Variants in ZNF423 observed in about 807,000 individuals in gnomAD.
ZNF423 encodes the protein zinc finger protein 423.
In ZNF423, 12 loss-of-function variants were observed where a neutral mutation model predicts 95.8. The observed-to-expected ratio is 0.13, with a 90% CI of 0.08 to 0.20. The LOEUF (loss-of-function observed/expected upper bound fraction) is 0.20, where lower values mean the gene tolerates loss of function less well. Among genes scored for constraint, ZNF423 ranks in the 10% least tolerant of loss-of-function variants. The probability of loss-of-function intolerance (pLI) is 1.00; values close to 1 mark genes in which losing one functional copy is unlikely to be tolerated. For missense variants in ZNF423, 1,316 were observed against 1,737.1 expected (o/e 0.76, Z 4.31); for synonymous variants, 749 against 711.9 (o/e 1.05, Z -0.83).
intron 3 of ZNF423, among the ~76,000 whole-genome samples, chr16:49,695,822 G>C (rs936631878): frequency 6.6e-6 from 1 of 152,222 alleles, no homozygotes; most frequent in Non-Finnish European, 1.5e-5. Flanking sequence ...AGACAATTTA[G>C]TACAAGAAGG....
rs923193132 is a variant in ZNF423 at position 49,677,245 on chromosome 16, A to G, written c.302-38371T>C. 1.6e-3 allele frequency among the ~76,000 whole-genome samples: 30 copies of G among 19,086 alleles called. 1 individual carries two copies. Among genetic ancestry groups the G allele is most frequent in the Non-Finnish European group, 2.7e-3 (28 of 10,234 alleles). The allele number at this position is 19,086 out of a possible 152,430, so 12.5% of individuals were successfully genotyped here. On this transcript the variant is annotated intron_variant, in intron 3 of 7. Transcript: ENST00000563137. ...AAACAAGAAAAGAGAAGAGAAGAGA[A>G]GATAAGAGAAGAGAAGAGAAGAGAA...
At chr16:49,607,896 GTCC>G (rs1971589885) in intron 5 of ZNF423, among the ~76,000 whole-genome samples, 1 of 152,130 alleles carries the variant, frequency 6.6e-6, no homozygotes, top group African/African-American at 2.4e-5. Context: ...TGCGAGAGCT[GTCC>G]TCCTTTGAAG....
In ZNF423 at chr16:49,577,627, G is replaced by A. The variant is rs1017434892; in HGVS notation, c.3601+48543C>T. Among the ~76,000 whole-genome samples the A allele has an allele frequency of 5.9e-5, 9 of 152,320 alleles. No individual in the cohort carries two copies. The South Asian group carries it at 8.3e-4, about 14-fold the overall frequency. On this transcript the variant is annotated intron_variant, in intron 5 of 7. Transcript: ENST00000563137. ...CCAGCAGCCGCTCAACTTGCAGCAG[G>A]TAAGTGCAGGAGGAGAGCAAGGCCA...
intron 5 of ZNF423, among the ~76,000 whole-genome samples, chr16:49,593,907 T>C (rs9928205): frequency 0.14 from 20,886 of 152,130 alleles, 2,908 homozygotes; most frequent in African/African-American, 0.33. Flanking sequence ...GAAATCTCTA[T>C]CTGTAAGAGG....
At chr16:49,546,392 A>G (rs980366862) in intron 5 of ZNF423, among the ~76,000 whole-genome samples, 2 of 152,158 alleles carry the variant, frequency 1.3e-5, no homozygotes, top group Non-Finnish European at 2.9e-5. Context: ...GTCCTTGGGT[A>G]AGTTGGTGCC....
At chr16:49,581,159 G>A (rs1002212299) in intron 5 of ZNF423, among the ~76,000 whole-genome samples, 1 of 141,104 alleles carries the variant, frequency 7.1e-6, no homozygotes, top group Non-Finnish European at 1.6e-5. Context: ...CAGCCCCACT[G>A]ATGTGGGCTT....
chr16:49,797,100 A>T (rs975647832), intron 1 of ZNF423, among the ~76,000 whole-genome samples: 11 of 151,950 alleles, frequency 7.2e-5, no homozygotes, highest in African/African-American at 2.4e-4. Flanking sequence ...CCTTAGGGAA[A>T]CCCTCTCACA....
chr16:49,741,173 TCAG>T (rs2033406485), intron 2 of ZNF423, among the ~76,000 whole-genome samples: 1 of 148,556 alleles, frequency 6.7e-6, no homozygotes, highest in African/African-American at 2.5e-5. Context: ...CTCTAGATGG[TCAG>T]CACTGCAAAC....
At chr16:49,644,439 G>A (rs1193364193) in intron 3 of ZNF423, among the ~76,000 whole-genome samples, 1 of 151,050 alleles carries the variant, frequency 6.6e-6, no homozygotes, top group Non-Finnish European at 1.5e-5. Context: ...AGGATCGTTT[G>A]AGGTCAGGAG....
At position 49,635,096 on chromosome 16, in the gene ZNF423, G is replaced by A. The variant is rs559392003; in HGVS notation, c.3516+564C>T. Among the ~76,000 whole-genome samples the A allele has an allele frequency of 6.6e-6, 1 of 152,210 alleles. No homozygotes were observed. The highest frequency in any genetic ancestry group is 1.9e-4 in the East Asian group (1 of 5,192). On this transcript the variant is annotated intron_variant, in intron 4 of 7. Coordinates refer to ENST00000563137, the MANE Select transcript of ZNF423 (RefSeq NM_001379286.1). The surrounding 1 kb of genome is among the most constrained non-coding windows in gnomAD (Gnocchi z 4.8). ...CTGCACTAACTGAAATGATGCCACT[G>A]GTGATAAGAGTACCAGCTGGTGATG... is the stretch of plus-strand genomic sequence containing the variant.
intron 5 of ZNF423, among the ~76,000 whole-genome samples, chr16:49,615,128 T>TCACACACACACACACACACA (rs557190259): frequency 1.6e-3 from 155 of 98,522 alleles, no homozygotes; most frequent in African/African-American, 5.4e-3. Flanking sequence ...AGAAACTCCA[T>TCACACACACACACACACACA]CTCACACACA....
chr16:49,802,895 C>T (rs1056366611), intron 1 of ZNF423, among the ~76,000 whole-genome samples: 10 of 152,232 alleles, frequency 6.6e-5, no homozygotes, highest in African/African-American at 2.4e-4. Context: ...ACATTAAAAA[C>T]AGGTAGTGCT....
At chr16:49,607,402 T>C (rs1393029878) in intron 5 of ZNF423, among the ~76,000 whole-genome samples, 1 of 152,188 alleles carries the variant, frequency 6.6e-6, no homozygotes, top group Non-Finnish European at 1.5e-5. Context: ...GACTACCTTT[T>C]TCCCAAAGCT....
chr16:49,637,282 C>T lies in ZNF423; in HGVS notation c.1894G>A (p.Ala632Thr), dbSNP rs369619436. The T allele has an allele frequency of 8.7e-6, 14 of 1,614,174 alleles. No homozygotes were observed. The African/African-American group carries it at 9.3e-5, about 11-fold the overall frequency. The change falls in exon 4 of 8, where the codon GCC (alanine) becomes ACC (threonine). Residue 632 changes from alanine to threonine, a missense_variant. By Grantham distance (58) the Ala-to-Thr change is moderately conservative. Transcript: ENST00000563137. This position sits in a 1 kb window ranked among gnomAD's most constrained non-coding sequence, Gnocchi z 5.6. ...SPKRQRLSAS[A>T]NSISNGEYPC... Reference sequence around the variant, plus strand: ...TACTCCCCATTGGAGATGGAGTTGGCGCTTGCTGAGAGCCGCTGCCGCTTC... The same window carrying T: ...TACTCCCCATTGGAGATGGAGTTGGTGCTTGCTGAGAGCCGCTGCCGCTTC...
intron 5 of ZNF423, among the ~76,000 whole-genome samples, chr16:49,602,597 G>T (rs1971408374): frequency 6.6e-6 from 1 of 152,150 alleles, no homozygotes; most frequent in Non-Finnish European, 1.5e-5. Flanking sequence ...AGTGCCTTCT[G>T]CCCAGGAAAA....
chr16:49,630,976 C>A (rs1443757032), intron 4 of ZNF423, among the ~76,000 whole-genome samples: 1 of 152,078 alleles, frequency 6.6e-6, no homozygotes, highest in African/African-American at 2.4e-5. Context: ...CTCACTTTCA[C>A]CCCAACTCAC....
chr16:49,658,784 C>T lies in ZNF423; in HGVS notation c.302-19910G>A, dbSNP rs567248798. ...AGTGTGGGGCAGGGCCCCTGAAGTCCTAGGCATCAAGGCTGGGGCATGTGG... is the reference window on the plus strand; with the variant it reads ...AGTGTGGGGCAGGGCCCCTGAAGTCTTAGGCATCAAGGCTGGGGCATGTGG... On this transcript the variant is annotated intron_variant, in intron 3 of 7. Coordinates refer to ENST00000563137, the MANE Select transcript of ZNF423 (RefSeq NM_001379286.1). Among the ~76,000 whole-genome samples the T allele has an allele frequency of 7.6e-4, 116 of 152,338 alleles. 6 individuals are homozygous for T. The South Asian group carries it at 0.022, about 29-fold the overall frequency.
intron 3 of ZNF423, among the ~76,000 whole-genome samples, chr16:49,673,736 A>G (rs1286030357): frequency 2.0e-5 from 3 of 152,250 alleles, no homozygotes; most frequent in African/African-American, 7.2e-5. Flanking sequence ...GGGGGCTACA[A>G]ACCGCCATCT....
intron 7 of ZNF423, among the ~76,000 whole-genome samples, chr16:49,519,015 G>A (rs572158362): frequency 7.9e-4 from 120 of 152,316 alleles, no homozygotes; most frequent in African/African-American, 2.7e-3. Context: ...AGTAAGCCAT[G>A]ATCACACTCC....
Sources: allele counts gnomAD v4.1 joint callset (sites outside exome capture counted in the v4.1 genomes callset), GRCh38; gene constraint gnomAD v4.1.1; non-coding constraint Gnocchi (gnomAD v3.1); transcripts MANE v1.5; gene names NCBI Gene and HGNC (gene_info 2026-07-23, HGNC 2026-07-21).